Variants in KCNQ3 observed in about 807,000 individuals in gnomAD.
KCNQ3 encodes potassium voltage-gated channel subfamily KQT member 3.
A neutral mutation model predicts 92.5 loss-of-function variants in KCNQ3; 30 were observed. The observed-to-expected ratio is 0.32, with a 90% CI of 0.24 to 0.44. The LOEUF (loss-of-function observed/expected upper bound fraction) is 0.44, where lower values mean the gene tolerates loss of function less well. Among genes scored for constraint, KCNQ3 ranks in the 20% least tolerant of loss-of-function variants. The pLI is 1.00. For synonymous variants in KCNQ3, 450 were observed against 468.8 expected (o/e 0.96, Z 0.52); for missense variants, 913 against 1,140.3 (o/e 0.80, Z 2.87).
intron 1 of KCNQ3, among the ~76,000 whole-genome samples, chr8:132,206,659 G>A (rs1813667421): frequency 6.6e-6 from 1 of 152,116 alleles, no homozygotes; most frequent in African/African-American, 2.4e-5. Context: ...AACCACTAAT[G>A]ATCCTTTGAA....
intron 12 of KCNQ3, among the ~76,000 whole-genome samples, chr8:132,137,558 CA>C (rs2130937978): frequency 6.6e-6 from 1 of 152,282 alleles, no homozygotes; most frequent in South Asian, 2.1e-4. Context: ...ATTAATTAGG[CA>C]GCTGGATTCG....
At chr8:132,460,798 G>A (rs1354096045) in intron 1 of KCNQ3, among the ~76,000 whole-genome samples, 4 of 152,082 alleles carry the variant, frequency 2.6e-5, no homozygotes, top group Admixed American at 6.5e-5. Context: ...GGGTTTTGAC[G>A]AATGCACTAA....
chr8:132,278,296 T>C (rs563987575), intron 1 of KCNQ3: 76 of 678,026 alleles, frequency 1.1e-4, no homozygotes, highest in Non-Finnish European at 1.4e-4. Context: ...GTGCTTCCTA[T>C]GGCCAAAGGA....
chr8:132,180,102 G>A (rs1401782172), intron 4 of KCNQ3, 55 bp downstream of exon 4: 5 of 1,580,428 alleles, frequency 3.2e-6, no homozygotes, highest in Non-Finnish European at 4.3e-6. Flanking sequence ...TGTCATGGAA[G>A]GGCATAGGTG....
At chr8:132,159,147 G>A (rs534471031) in intron 9 of KCNQ3, among the ~76,000 whole-genome samples, 35 of 152,302 alleles carry the variant, frequency 2.3e-4, no homozygotes, top group Non-Finnish European at 4.0e-4. Context: ...TGTTCAAAAT[G>A]ATGGACCTAA....
chr8:132,381,193 C>A (rs1819741855), intron 1 of KCNQ3, among the ~76,000 whole-genome samples: 1 of 152,322 alleles, frequency 6.6e-6, no homozygotes, highest in Admixed American at 6.5e-5. Flanking sequence ...GGTTAGGCCA[C>A]TGGCTTTAGA....
chr8:132,181,653 C>T lies in KCNQ3; in HGVS notation c.605-1324G>A, dbSNP rs138821475. ...CTGTGTTCTGGCTCCTGGGAATCTG[C>T]CAGAAGCCTGTGTAGCTCATTGAGC... On this transcript the variant is annotated intron_variant, in intron 3 of 14. Transcript: ENST00000388996. Among the ~76,000 whole-genome samples the T allele has an allele frequency of 4.6e-5, 7 of 152,232 alleles. No individual in the cohort carries two copies. The East Asian group carries it at 1.4e-3, about 29-fold the overall frequency.
chr8:132,177,825 G>T (rs1192507819), intron 4 of KCNQ3, among the ~76,000 whole-genome samples: 1 of 152,184 alleles, frequency 6.6e-6, no homozygotes, highest in Non-Finnish European at 1.5e-5. Flanking sequence ...CAGTACTCTT[G>T]GTGATTTCCT....
At chr8:132,141,107 G>A (rs1825282224) in intron 10 of KCNQ3, 22 bp downstream of exon 10, 3 of 1,607,380 alleles carry the variant, frequency 1.9e-6, no homozygotes, top group Non-Finnish European at 1.7e-6. Flanking sequence ...AAGAGACAGG[G>A]AGGGAGATAA....
At chr8:132,324,020 C>T (rs575504681) in intron 1 of KCNQ3, among the ~76,000 whole-genome samples, 10 of 152,330 alleles carry the variant, frequency 6.6e-5, no homozygotes, top group African/African-American at 2.4e-4. Context: ...AGAAATTCCA[C>T]ACTGCTTACG....
chr8:132,385,870 G>C (rs191239105), intron 1 of KCNQ3, among the ~76,000 whole-genome samples: 3 of 152,118 alleles, frequency 2.0e-5, no homozygotes, highest in East Asian at 1.9e-4. Flanking sequence ...AGATGGTAAT[G>C]ATGATGGATA....
intron 1 of KCNQ3, among the ~76,000 whole-genome samples, chr8:132,358,896 T>C (rs1399374201): frequency 2.0e-5 from 3 of 152,088 alleles, no homozygotes; most frequent in Non-Finnish European, 4.4e-5. Context: ...TTCAGAAGGG[T>C]AGTGCATAAG....
chr8:132,432,766 A>G (rs1208809343), intron 1 of KCNQ3, among the ~76,000 whole-genome samples: 1 of 152,214 alleles, frequency 6.6e-6, no homozygotes, highest in Admixed American at 6.5e-5. Flanking sequence ...CAATATTGCA[A>G]TCCTTCACTT....
intron 9 of KCNQ3, among the ~76,000 whole-genome samples, chr8:132,145,163 C>A (rs937661217): frequency 6.6e-6 from 1 of 152,176 alleles, no homozygotes; most frequent in African/African-American, 2.4e-5. Context: ...AATTATCTGT[C>A]ACAAATATCA....
At chr8:132,426,502 A>C (rs1205749646) in intron 1 of KCNQ3, among the ~76,000 whole-genome samples, 1 of 152,236 alleles carries the variant, frequency 6.6e-6, no homozygotes, top group Non-Finnish European at 1.5e-5. Context: ...CCAGCATGGC[A>C]CGCAGTGTCC....
chr8:132,172,762 G>T, intron 6 of KCNQ3, 69 bp from the exon 7 acceptor site: 6 of 1,104,456 alleles, frequency 5.4e-6, no homozygotes, highest in African/African-American at 1.5e-5. Context: ...TCCATTGCCA[G>T]GGTAATGGGG....
chr8:132,443,518 T>C (rs951526433), intron 1 of KCNQ3, among the ~76,000 whole-genome samples: 2 of 151,888 alleles, frequency 1.3e-5, no homozygotes, highest in African/African-American at 4.8e-5. Flanking sequence ...TCTCAAAAGA[T>C]ACATGGAGAA....
rs62519603 is a variant in KCNQ3 at position 132,186,425 on chromosome 8, A to G, written c.387-244T>C. The G allele has an allele frequency of 0.055, 25,578 of 462,378 alleles. 1,015 individuals carry two copies. Among genetic ancestry groups the G allele is most frequent in the African/African-American group, 0.13 (6,378 of 50,530 alleles). The allele number at this position is 462,378 out of a possible 1,614,324, so 28.6% of individuals were successfully genotyped here. A position where few individuals can be genotyped will look rare whatever the true frequency, so the allele number is the denominator to read the frequency against. ...GTGCATACTTTTACTTAACCAGCTA[A>G]TTAGTAGAATCAGCTAGTTAGAATT... is the stretch of plus-strand genomic sequence containing the variant. On this transcript the variant is annotated intron_variant, in intron 1 of 14. Transcript: ENST00000388996.
At chr8:132,305,569 G>A (rs1222244497) in intron 1 of KCNQ3, among the ~76,000 whole-genome samples, 1 of 152,102 alleles carries the variant, frequency 6.6e-6, no homozygotes. Context: ...TGCTTCAACA[G>A]GAGGCAACCA....
Sources: allele counts gnomAD v4.1 joint callset (sites outside exome capture counted in the v4.1 genomes callset), GRCh38; gene constraint gnomAD v4.1.1; transcripts MANE v1.5; gene names NCBI Gene and HGNC (gene_info 2026-07-23, HGNC 2026-07-21).